Variants in PKHD1 observed in about 807,000 individuals in gnomAD.
The protein encoded by PKHD1 is PKHD1 ciliary IPT domain containing fibrocystin/polyductin, also known as fibrocystin.
In PKHD1, 291 loss-of-function variants were observed where a neutral mutation model predicts 412.0. The observed-to-expected ratio is 0.71, with a 90% CI of 0.64 to 0.78. PKHD1 has a LOEUF of 0.78. Ranked by LOEUF, PKHD1 falls within the 30% of genes least tolerant of loss-of-function variation. The pLI, the probability that PKHD1 is intolerant of heterozygous loss-of-function variation, is 0.00. For missense variants in PKHD1, 4,825 were observed against 4,950.7 expected, an observed-to-expected ratio of 0.97 and a Z score of 0.76; for synonymous variants, 1,777 against 1,821.5, an observed-to-expected ratio of 0.98 and a Z score of 0.62.
At chr6:51,674,195 GAT>G (rs1161861548) in intron 60 of PKHD1, among the ~76,000 whole-genome samples, 1 of 152,204 alleles carries the variant, frequency 6.6e-6, no homozygotes, top group Non-Finnish European at 1.5e-5. Context: ...TATGTGGCAG[GAT>G]GGTGGTCACA....
At chr6:52,039,442 T>G (rs1467749849) in intron 27 of PKHD1, among the ~76,000 whole-genome samples, 1 of 152,196 alleles carries the variant, frequency 6.6e-6, no homozygotes, top group Non-Finnish European at 1.5e-5. Context: ...GCTCTCTCTC[T>G]CCTGTCACTA....
chr6:51,718,245 C>T (rs545423378), intron 60 of PKHD1, among the ~76,000 whole-genome samples: 5 of 152,166 alleles, frequency 3.3e-5, no homozygotes, highest in South Asian at 4.1e-4. Context: ...CTGTGGACCA[C>T]GGTTTACTAG....
At chr6:51,867,186 T>C (rs769957739) in intron 48 of PKHD1, among the ~76,000 whole-genome samples, 11 of 152,092 alleles carry the variant, frequency 7.2e-5, no homozygotes, top group South Asian at 2.1e-4. Flanking sequence ...GCTAAATATA[T>C]ACAATGCATT....
intron 36 of PKHD1, among the ~76,000 whole-genome samples, chr6:51,951,384 C>T (rs1790346247): frequency 6.6e-6 from 1 of 151,980 alleles, no homozygotes; most frequent in Admixed American, 6.6e-5. Context: ...TGTAAAAATC[C>T]CCCTAGCTAC....
chr6:51,616,976 G>T lies in PKHD1; in HGVS notation c.*2105C>A, dbSNP rs1766122972. ...TGGAAAAAAACACAAGGAGAAGTAG[G>T]TTTTTGGGCTGTGTTAACTTCATAG... On this transcript the variant is annotated 3_prime_UTR_variant, in exon 67 of 67. Coordinates refer to ENST00000371117, the MANE Select transcript of PKHD1 (RefSeq NM_138694.4). The T allele has an allele frequency of 6.3e-6, 2 of 319,020 alleles. No individual in the cohort carries two copies. Among genetic ancestry groups the T allele is most frequent in the African/African-American group, 2.1e-5 (1 of 46,754 alleles). 19.8% of individuals were successfully genotyped at this position (319,020 alleles called of 1,614,324 possible).
At chr6:51,890,102 T>C (rs751624262) in intron 43 of PKHD1, among the ~76,000 whole-genome samples, 4 of 152,178 alleles carry the variant, frequency 2.6e-5, no homozygotes, top group Non-Finnish European at 5.9e-5. Context: ...TACTGGATTT[T>C]AGAGTCTCAT....
At chr6:51,910,843 A>C (rs1782830817) in intron 39 of PKHD1, among the ~76,000 whole-genome samples, 1 of 152,040 alleles carries the variant, frequency 6.6e-6, no homozygotes, top group Admixed American at 6.6e-5. Context: ...AGGTGAGGCC[A>C]AACTGCCTCT....
intron 55 of PKHD1, among the ~76,000 whole-genome samples, chr6:51,771,586 T>G (rs1296527817): frequency 6.6e-6 from 1 of 151,388 alleles, no homozygotes; most frequent in East Asian, 1.9e-4. Flanking sequence ...GCCATTGCAA[T>G]CCATCCTGGC....
At chr6:51,881,732 A>T (rs1328874961) in intron 46 of PKHD1, among the ~76,000 whole-genome samples, 1 of 152,190 alleles carries the variant, frequency 6.6e-6, no homozygotes, top group African/African-American at 2.4e-5. Flanking sequence ...TTTTCCCCTA[A>T]GTTCAAGAAG....
At chr6:51,955,702 T>C (rs1473953869) in intron 36 of PKHD1, among the ~76,000 whole-genome samples, 2 of 152,098 alleles carry the variant, frequency 1.3e-5, no homozygotes, top group Non-Finnish European at 2.9e-5. Context: ...GCAGTAATCC[T>C]TTCAAAATAT....
intron 61 of PKHD1, among the ~76,000 whole-genome samples, chr6:51,650,378 G>A (rs1304510107): frequency 6.6e-6 from 1 of 152,074 alleles, no homozygotes; most frequent in Non-Finnish European, 1.5e-5. Context: ...ATATATATGG[G>A]ACCCTGACAT....
At chr6:51,996,729 T>C (rs549411851) in intron 35 of PKHD1, among the ~76,000 whole-genome samples, 2 of 152,314 alleles carry the variant, frequency 1.3e-5, no homozygotes, top group South Asian at 2.1e-4. Context: ...CAAAATCTCA[T>C]GCAACAGCAA....
chr6:51,747,459 C>T (rs1367815626), intron 58 of PKHD1, among the ~76,000 whole-genome samples: 1 of 152,124 alleles, frequency 6.6e-6, no homozygotes, highest in Non-Finnish European at 1.5e-5. Flanking sequence ...AATCCCAACA[C>T]TTTGGGAGGC....
intron 57 of PKHD1, among the ~76,000 whole-genome samples, chr6:51,750,244 T>TTCTAC (rs1384452601): frequency 3.3e-5 from 5 of 152,152 alleles, no homozygotes; most frequent in Admixed American, 3.3e-4. Flanking sequence ...GTAGATGGTG[T>TTCTAC]GGACATATTC....
At chr6:51,636,400 C>T (rs936923752) in intron 64 of PKHD1, among the ~76,000 whole-genome samples, 1 of 151,972 alleles carries the variant, frequency 6.6e-6, no homozygotes, top group African/African-American at 2.4e-5. Flanking sequence ...AATAAACCAA[C>T]TGGGTGTGGT....
intron 36 of PKHD1, among the ~76,000 whole-genome samples, chr6:51,955,350 A>G (rs1382638866): frequency 6.6e-6 from 1 of 152,072 alleles, no homozygotes; most frequent in East Asian, 1.9e-4. Flanking sequence ...CTACTTTTTA[A>G]GTTGGGAGTC....
intron 43 of PKHD1, among the ~76,000 whole-genome samples, chr6:51,891,550 A>AT (rs1238321528): frequency 6.6e-6 from 1 of 152,072 alleles, no homozygotes; most frequent in Non-Finnish European, 1.5e-5. Flanking sequence ...AAGTGCTGGG[A>AT]TTATAGGCAT....
intron 60 of PKHD1, among the ~76,000 whole-genome samples, chr6:51,725,152 G>A (rs1460508254): frequency 6.6e-6 from 1 of 152,196 alleles, no homozygotes; most frequent in African/African-American, 2.4e-5. Context: ...TGATCCCTCT[G>A]TGTCCCTGCA....
intron 63 of PKHD1, among the ~76,000 whole-genome samples, chr6:51,643,685 T>A (rs1769686899): frequency 6.6e-6 from 1 of 152,324 alleles, no homozygotes; most frequent in East Asian, 1.9e-4. Flanking sequence ...TTTGTTTTAA[T>A]TATTTTATTT....
Sources: allele counts gnomAD v4.1 joint callset (sites outside exome capture counted in the v4.1 genomes callset), GRCh38; gene constraint gnomAD v4.1.1; transcripts MANE v1.5; gene names NCBI Gene and HGNC (gene_info 2026-07-23, HGNC 2026-07-21).